Variants in GATAD2A observed in about 807,000 individuals in gnomAD.
The protein encoded by GATAD2A is transcriptional repressor p66-alpha.
Under a neutral mutation model 68.5 loss-of-function variants are expected in GATAD2A, and 12 were observed. The observed-to-expected ratio is 0.18, with a 90% CI of 0.11 to 0.28. GATAD2A has a LOEUF of 0.28. Ranked by LOEUF, GATAD2A falls within the 10% of genes least tolerant of loss-of-function variation. The pLI is 1.00. For synonymous variants in GATAD2A, 410 were observed against 375.3 expected (o/e 1.09, Z -1.07); for missense variants, 755 against 868.5 (o/e 0.87, Z 1.64).
chr19:19,394,140 G>C (rs151187872), intron 1 of GATAD2A, among the ~76,000 whole-genome samples: 1 of 152,114 alleles, frequency 6.6e-6, no homozygotes, highest in East Asian at 1.9e-4. Context: ...CTCCCGCCTA[G>C]GCCTCCCAAA....
intron 1 of GATAD2A, among the ~76,000 whole-genome samples, chr19:19,386,666 C>T (rs1335262268): frequency 2.6e-5 from 4 of 151,802 alleles, no homozygotes; most frequent in Non-Finnish European, 5.9e-5. Context: ...CTCTAGGGAA[C>T]CCCCGTCTCT....
Position 19,414,447 on chromosome 19 carries a change from G to T in GATAD2A, c.-7+8428G>T, listed in dbSNP as rs117350452. On this transcript the variant is annotated intron_variant, in intron 1 of 11. Coordinates refer to ENST00000683918, the MANE Select transcript of GATAD2A (RefSeq NM_001384528.1). ...CTCTGTTGTTCTTACTGATGTCTTT[G>T]TGGCTTGGTGAATTTTGTTTTAGCT... 4.3e-4 allele frequency among the ~76,000 whole-genome samples: 65 copies of T among 151,262 alleles called. 3 individuals carry two copies. In the East Asian group the frequency reaches 0.012, roughly 28 times the overall value.
chr19:19,478,584 ACT>A lies in GATAD2A; in HGVS notation c.269+12973_269+12974del, dbSNP rs201349554. On this transcript the variant is annotated intron_variant, in intron 2 of 11. Transcript: ENST00000683918. Reference sequence around the variant, plus strand: ...ACTCCAGCCTCGGCGACAGAGTGAGACTCTGTCTCAAAAAAAAAAGAAAAAAA... The same window carrying A: ...ACTCCAGCCTCGGCGACAGAGTGAGACTGTCTCAAAAAAAAAAGAAAAAAA... Among the ~76,000 whole-genome samples the A allele has an allele frequency of 5.3e-3, 803 of 151,548 alleles. 6 individuals are homozygous for A. The highest frequency in any genetic ancestry group is 0.042 in the South Asian group (199 of 4,790).
intron 2 of GATAD2A, among the ~76,000 whole-genome samples, chr19:19,483,780 AAT>A (rs2059222009): frequency 8.1e-6 from 1 of 123,322 alleles, no homozygotes; most frequent in South Asian, 2.9e-4. Flanking sequence ...ATACCCGGCT[AAT>A]TTTTTTTTTT....
intron 5 of GATAD2A, among the ~76,000 whole-genome samples, chr19:19,495,297 T>C (rs561779370): frequency 6.7e-6 from 1 of 149,054 alleles, no homozygotes; most frequent in African/African-American, 2.5e-5. Flanking sequence ...CCCAGCCAGC[T>C]TTTTTTTCTT....
intron 2 of GATAD2A, among the ~76,000 whole-genome samples, chr19:19,487,269 C>T (rs2059501583): frequency 6.6e-6 from 1 of 152,212 alleles, no homozygotes. Context: ...GGAGCTGAGG[C>T]TGTGCCACAG....
chr19:19,501,477 ACCCCACG>A, intron 9 of GATAD2A, 61 bp downstream of exon 9: 2 of 1,296,878 alleles, frequency 1.5e-6, no homozygotes, highest in Admixed American at 4.5e-5. Flanking sequence ...TCCGCGATCC[ACCCCACG>A]CCTGCGCTGC....
At chr19:19,500,834 C>T (rs548231447) in intron 8 of GATAD2A, among the ~76,000 whole-genome samples, 1 of 152,344 alleles carries the variant, frequency 6.6e-6, no homozygotes, top group East Asian at 1.9e-4. Context: ...CTTATTAACT[C>T]GTACACAAGC....
rs1600324045 is a variant in GATAD2A, at chr19:19,505,791, C to T, written c.*317C>T. On this transcript the variant is annotated 3_prime_UTR_variant, in exon 12 of 12. Coordinates refer to ENST00000683918, the MANE Select transcript of GATAD2A (RefSeq NM_001384528.1). ...GTGGACCTTGGGGGCTGGTTCTGCT[C>T]CTGGCCCCCTTGTTCAGCCCCTGCC... 10 of 455,466 alleles carry T rather than the reference C, an allele frequency of 2.2e-5. No homozygotes were observed. In the East Asian group the frequency reaches 2.8e-4, roughly 13 times the overall value. 28.2% of individuals were successfully genotyped at this position (455,466 alleles called of 1,614,324 possible). A position where few individuals can be genotyped will look rare whatever the true frequency, so the allele number is the denominator to read the frequency against.
At chr19:19,456,107 T>C (rs1481526363) in intron 1 of GATAD2A, among the ~76,000 whole-genome samples, 1 of 142,214 alleles carries the variant, frequency 7.0e-6, no homozygotes, top group East Asian at 2.1e-4. Context: ...TGAGCCGAGA[T>C]CGCGCCACTG....
chr19:19,401,737 C>CA (rs35524116), upstream of GATAD2A, among the ~76,000 whole-genome samples: 18 of 150,662 alleles, frequency 1.2e-4, no homozygotes, highest in Non-Finnish European at 2.4e-4. Flanking sequence ...GAAAAAGTAC[C>CA]AAAAAAAAGG....
chr19:19,429,383 T>TCTGAGGGA (rs1461109727), intron 1 of GATAD2A: 1 of 224,600 alleles, frequency 4.5e-6, no homozygotes, highest in African/African-American at 2.4e-5. Context: ...GCGTGCTGGG[T>TCTGAGGGA]CTGAGGAATT....
At chr19:19,439,089 G>GC (rs1275747544) in intron 1 of GATAD2A, among the ~76,000 whole-genome samples, 1 of 152,212 alleles carries the variant, frequency 6.6e-6, no homozygotes, top group East Asian at 1.9e-4. Context: ...AGGGAGCAGG[G>GC]CCGGAGGAGG....
intron 2 of GATAD2A, chr19:19,474,043 A>T: frequency 3.0e-6 from 3 of 985,150 alleles, no homozygotes; most frequent in Non-Finnish European, 3.6e-6. Flanking sequence ...ACATCCAGCC[A>T]CCCAGTTGTC....
chr19:19,472,043 TG>T (rs1470404258), intron 2 of GATAD2A, among the ~76,000 whole-genome samples: 2 of 152,174 alleles, frequency 1.3e-5, no homozygotes, highest in Admixed American at 6.5e-5. Context: ...TACACCTGGA[TG>T]GGGTTTTTCT....
intron 1 of GATAD2A, chr19:19,429,116 C>T (rs2053437936): frequency 1.2e-6 from 1 of 838,528 alleles, no homozygotes; most frequent in African/African-American, 1.8e-5. Context: ...CTCCTCCGTG[C>T]CCACGTGGGT....
At chr19:19,421,551 A>G (rs1176694862) in intron 1 of GATAD2A, among the ~76,000 whole-genome samples, 2 of 152,152 alleles carry the variant, frequency 1.3e-5, no homozygotes, top group East Asian at 1.9e-4. Context: ...TCAAGGACCA[A>G]CGGCTTAGAA....
chr19:19,488,112 C>T (rs946769120), intron 2 of GATAD2A, among the ~76,000 whole-genome samples: 1 of 152,316 alleles, frequency 6.6e-6, no homozygotes, highest in Middle Eastern at 3.4e-3. Flanking sequence ...TTTGATCAAG[C>T]AGGTCTGGGG....
intron 2 of GATAD2A, among the ~76,000 whole-genome samples, chr19:19,470,598 G>A (rs1280781082): frequency 1.3e-5 from 2 of 152,204 alleles, no homozygotes; most frequent in African/African-American, 4.8e-5. Flanking sequence ...AATTGGCAAG[G>A]TATGGAGGAC....
Sources: gnomAD v4.1 joint callset for allele counts (sites outside exome capture counted in the v4.1 genomes callset) on GRCh38, gnomAD v4.1.1 for gene constraint, MANE v1.5 for transcripts, NCBI Gene and HGNC (gene_info 2026-07-23, HGNC 2026-07-21) for gene names.